RNF13: variants seen among roughly 807,000 people sequenced by gnomAD.
RNF13 encodes ring finger protein 13, also known as E3 ubiquitin-protein ligase RNF13.
RNF13 carries 19 observed loss-of-function variants against 37.7 expected under a neutral mutation model. That is an observed-to-expected ratio of 0.50 (90% confidence interval 0.35 to 0.74). The LOEUF is 0.74. RNF13 is among the 30% of genes least tolerant of loss of function. The pLI is 0.01. For synonymous variants in RNF13, 144 were observed against 157.8 expected, an observed-to-expected ratio of 0.91 and a Z score of 0.65; for missense variants, 375 against 453.0, an observed-to-expected ratio of 0.83 and a Z score of 1.56.
chr3:149,826,518 A>C (rs963357177), intron 1 of RNF13, among the ~76,000 whole-genome samples: 4 of 152,322 alleles, frequency 2.6e-5, no homozygotes, highest in African/African-American at 9.6e-5. Context: ...CATTTAAGAA[A>C]TATTTTGCTG....
chr3:149,873,323 A>C (rs1039725471), intron 4 of RNF13, among the ~76,000 whole-genome samples: 2 of 152,196 alleles, frequency 1.3e-5, no homozygotes, highest in African/African-American at 4.8e-5. Context: ...CTTTATAGGC[A>C]GGGATGGCAG....
At chr3:149,869,206 A>G (rs1489907665) in intron 3 of RNF13, among the ~76,000 whole-genome samples, 2 of 151,608 alleles carry the variant, frequency 1.3e-5, no homozygotes, top group African/African-American at 2.4e-5. Context: ...AATTATTTCA[A>G]TTTTCTGGTT....
intron 4 of RNF13, among the ~76,000 whole-genome samples, chr3:149,887,097 G>A (rs1354263843): frequency 6.6e-6 from 1 of 152,204 alleles, no homozygotes; most frequent in South Asian, 2.1e-4. Context: ...TTGAATCGCT[G>A]ACACCACCCT....
chr3:149,843,014 C>T (rs1170011801), intron 1 of RNF13, among the ~76,000 whole-genome samples: 1 of 152,094 alleles, frequency 6.6e-6, no homozygotes. Flanking sequence ...ATGTGCAGTT[C>T]GCCCTCCGTA....
chr3:149,846,788 C>T (rs1722679663), intron 2 of RNF13, among the ~76,000 whole-genome samples: 1 of 152,146 alleles, frequency 6.6e-6, no homozygotes, highest in South Asian at 2.1e-4. Context: ...CTCTTAATGA[C>T]TGTAAGATCT....
At chr3:149,914,650 C>T (rs9852982) in intron 7 of RNF13, among the ~76,000 whole-genome samples, 104,732 of 151,954 alleles carry the variant, frequency 0.69, 36,835 homozygotes, top group East Asian at 0.9. Flanking sequence ...TCAAGAACAG[C>T]GGGGCCGGGT....
At chr3:149,925,409 T>C (rs2108545616) in intron 8 of RNF13, among the ~76,000 whole-genome samples, 1 of 152,294 alleles carries the variant, frequency 6.6e-6, no homozygotes, top group Non-Finnish European at 1.5e-5. Context: ...ACTATCCTGG[T>C]TTATGATAAT....
Position 149,906,645 on chromosome 3 carries a change from CTTTTTT to C in RNF13, c.500+4502_500+4507del, listed in dbSNP as rs35801459. On this transcript the variant is annotated intron_variant, in intron 6 of 9. Transcript: ENST00000392894. ...ATGTCCTTTCATTTGTTCAATTCTGCTTTTTTTTTTTTTTTTTTTTTTTTAATTTAG... is the reference window on the plus strand; with the variant it reads ...ATGTCCTTTCATTTGTTCAATTCTGCTTTTTTTTTTTTTTTTTTAATTTAG... Among the ~76,000 whole-genome samples, 51 of 79,158 alleles carry C rather than the reference CTTTTTT, an allele frequency of 6.4e-4. 2 individuals carry two copies. The Middle Eastern group carries it at 0.095, about 147-fold the overall frequency. 51.9% of individuals were successfully genotyped at this position (79,158 alleles called of 152,430 possible).
chr3:149,863,821 G>T (rs1313321626), intron 3 of RNF13, among the ~76,000 whole-genome samples: 2 of 151,980 alleles, frequency 1.3e-5, no homozygotes, highest in African/African-American at 4.8e-5. Context: ...ACCTCTTTAT[G>T]TTTTTACAGG....
chr3:149,914,705 C>T (rs1018506308), intron 7 of RNF13, among the ~76,000 whole-genome samples: 7 of 151,866 alleles, frequency 4.6e-5, no homozygotes, highest in South Asian at 2.1e-4. Context: ...GAGGCCAAGG[C>T]GGGCGGATCA....
At chr3:149,864,680 G>T (rs867300525) in intron 3 of RNF13, among the ~76,000 whole-genome samples, 1 of 152,066 alleles carries the variant, frequency 6.6e-6, no homozygotes, top group Non-Finnish European at 1.5e-5. Flanking sequence ...TGACAAATCA[G>T]TACTGTGTTA....
At chr3:149,836,324 A>G (rs1490814852) in intron 1 of RNF13, among the ~76,000 whole-genome samples, 1 of 152,188 alleles carries the variant, frequency 6.6e-6, no homozygotes, top group African/African-American at 2.4e-5. Context: ...AGACATACAA[A>G]TGGCCAAAAA....
intron 3 of RNF13, among the ~76,000 whole-genome samples, chr3:149,857,025 G>C (rs2108403346): frequency 6.6e-6 from 1 of 152,296 alleles, no homozygotes; most frequent in Middle Eastern, 3.4e-3. Flanking sequence ...TGGGATACAG[G>C]CGTGAGCCAC....
chr3:149,912,165 C>T (rs142976469), intron 7 of RNF13, 82 bp downstream of exon 7: 9,420 of 694,110 alleles, frequency 0.014, 100 homozygotes, highest in Non-Finnish European at 0.017. Context: ...AGAATTTAAA[C>T]AATGTGTACA....
chr3:149,916,692 A>G (rs996500547), intron 7 of RNF13, among the ~76,000 whole-genome samples: 16 of 152,166 alleles, frequency 1.1e-4, no homozygotes, highest in African/African-American at 3.9e-4. Context: ...AGAAAACCAA[A>G]AAACAAACAA....
intron 3 of RNF13, among the ~76,000 whole-genome samples, chr3:149,866,873 A>G (rs759495163): frequency 3.9e-5 from 6 of 152,258 alleles, no homozygotes; most frequent in East Asian, 1.9e-4. Context: ...ATTGTAGTCT[A>G]TTGTGGCCAG....
intron 2 of RNF13, among the ~76,000 whole-genome samples, chr3:149,846,479 A>G (rs1239092774): frequency 6.6e-6 from 1 of 151,944 alleles, no homozygotes; most frequent in Admixed American, 6.6e-5. Flanking sequence ...ATTTTTTTGT[A>G]TTTTTAATAG....
At chr3:149,931,351 C>T (rs1359005769) in intron 8 of RNF13, among the ~76,000 whole-genome samples, 1 of 152,150 alleles carries the variant, frequency 6.6e-6, no homozygotes, top group East Asian at 1.9e-4. Context: ...GCATGAGCCA[C>T]CACACCCAGC....
At chr3:149,953,493 A>C (rs1184660815) in intron 8 of RNF13, among the ~76,000 whole-genome samples, 1 of 152,236 alleles carries the variant, frequency 6.6e-6, no homozygotes, top group Non-Finnish European at 1.5e-5. Context: ...CTTTGTGTTA[A>C]ATATCTGAAG....
Sources: gnomAD v4.1 joint callset for allele counts (sites outside exome capture counted in the v4.1 genomes callset) on GRCh38, gnomAD v4.1.1 for gene constraint, MANE v1.5 for transcripts, NCBI Gene and HGNC (gene_info 2026-07-23, HGNC 2026-07-21) for gene names.